Variants in DHX35 observed in about 807,000 individuals in gnomAD.
DHX35 encodes the protein probable ATP-dependent RNA helicase DHX35.
DHX35 carries 84 observed loss-of-function variants against 99.6 expected under a neutral mutation model. The observed-to-expected ratio is 0.84, with a 90% CI of 0.71 to 1.01. The LOEUF is 1.01. Ranked by LOEUF, DHX35 falls within the 50% of genes least tolerant of loss-of-function variation. The pLI is 0.00. For synonymous variants in DHX35, 331 were observed against 316.2 expected, an observed-to-expected ratio of 1.05 and a Z score of -0.50; for missense variants, 852 against 888.5, an observed-to-expected ratio of 0.96 and a Z score of 0.52.
At chr20:38,989,265 G>GTTTTTTTTTTTT (rs59991063) in intron 5 of DHX35, among the ~76,000 whole-genome samples, 25 of 111,864 alleles carry the variant, frequency 2.2e-4, no homozygotes, top group Non-Finnish European at 2.6e-4. Context: ...ACCCGGCTAA[G>GTTTTTTTTTTTT]TTTTTTTTTT....
At chr20:39,007,063 T>C (rs1375168358) in intron 12 of DHX35, among the ~76,000 whole-genome samples, 7 of 152,224 alleles carry the variant, frequency 4.6e-5, no homozygotes, top group African/African-American at 1.7e-4. Flanking sequence ...GTTAATTCTC[T>C]TCTTTATCCA....
chr20:39,017,262 C>G (rs2086801372), intron 14 of DHX35, among the ~76,000 whole-genome samples: 1 of 152,066 alleles, frequency 6.6e-6, no homozygotes, highest in Non-Finnish European at 1.5e-5. Context: ...CTGTGAATAG[C>G]CAATTACTGA....
chr20:39,019,661 A>G (rs1016585390), intron 15 of DHX35, among the ~76,000 whole-genome samples: 3 of 152,236 alleles, frequency 2.0e-5, no homozygotes, highest in Admixed American at 2.0e-4. Context: ...GATTCAGTCA[A>G]GCAAATTAAC....
At chr20:38,981,945 A>C (rs1485044967) in intron 3 of DHX35, among the ~76,000 whole-genome samples, 1 of 66,632 alleles carries the variant, frequency 1.5e-5, no homozygotes, top group Non-Finnish European at 3.2e-5. Flanking sequence ...CTCTGTCTCA[A>C]AAAAAAAAAA....
At chr20:39,016,078 T>C (rs1193668490) in intron 14 of DHX35, among the ~76,000 whole-genome samples, 2 of 152,216 alleles carry the variant, frequency 1.3e-5, no homozygotes, top group African/African-American at 4.8e-5. Flanking sequence ...TTCAGGTGGC[T>C]GAAAGCTCCA....
rs1208329903 is a variant in DHX35, at chr20:39,030,746, A to T, written c.1926A>T (p.Ser642=). The change falls in exon 20 of 22, where the codon TCA becomes TCT. Residue 642 remains serine, a synonymous_variant. Transcript: ENST00000252011. ...ATGAGCTGCACATACACCCTGCGTCAGTCCTCTATGCAGAGAAGCCGCCTC... is the reference window on the plus strand; with the variant it reads ...ATGAGCTGCACATACACCCTGCGTCTGTCCTCTATGCAGAGAAGCCGCCTC... The part of the protein sequence containing the change: ...DDHELHIHPA[S]VLYAEKPPRW... 2 of 1,614,074 alleles carry T rather than the reference A, an allele frequency of 1.2e-6. No individual in the cohort carries two copies. The highest frequency in any genetic ancestry group is 2.7e-5 in the African/African-American group (2 of 74,940).
At chr20:39,004,665 G>A (rs1232054462) in intron 11 of DHX35, among the ~76,000 whole-genome samples, 1 of 152,242 alleles carries the variant, frequency 6.6e-6, no homozygotes, top group African/African-American at 2.4e-5. Context: ...GAGTGAGGAA[G>A]GGTGTGGTGG....
intron 3 of DHX35, among the ~76,000 whole-genome samples, chr20:38,980,378 T>A (rs1223795385): frequency 6.6e-6 from 1 of 152,196 alleles, no homozygotes; most frequent in Non-Finnish European, 1.5e-5. Flanking sequence ...CTGTGTATTG[T>A]TGATGATGAT....
intron 11 of DHX35, among the ~76,000 whole-genome samples, chr20:39,005,160 T>G (rs946161787): frequency 3.9e-5 from 6 of 152,218 alleles, no homozygotes; most frequent in African/African-American, 1.4e-4. Flanking sequence ...TTTTATAAAA[T>G]GATTTATAAA....
At chr20:39,031,333 C>CTTTT (rs111833262) in intron 20 of DHX35, among the ~76,000 whole-genome samples, 2 of 131,700 alleles carry the variant, frequency 1.5e-5, no homozygotes, top group African/African-American at 5.5e-5. Context: ...GCTCACGGTT[C>CTTTT]TTTTTTTTTT....
At chr20:38,978,110 C>A in intron 3 of DHX35, 1 of 769,354 alleles carries the variant, frequency 1.3e-6, no homozygotes. Context: ...GGCCCTGAGC[C>A]ACACTTCAAC....
intron 8 of DHX35, among the ~76,000 whole-genome samples, chr20:38,996,852 A>G (rs201885263): frequency 6.6e-6 from 1 of 151,826 alleles, no homozygotes; most frequent in Admixed American, 6.6e-5. Context: ...TCCCTCACCC[A>G]TGGTATCTGC....
intron 21 of DHX35, among the ~76,000 whole-genome samples, chr20:39,038,288 C>T (rs1450889206): frequency 1.3e-5 from 2 of 152,236 alleles, no homozygotes; most frequent in Non-Finnish European, 2.9e-5. Context: ...GTGGCTTGGG[C>T]CTCGGGTTGC....
chr20:38,979,333 A>C (rs1034350740), intron 3 of DHX35, among the ~76,000 whole-genome samples: 3 of 152,226 alleles, frequency 2.0e-5, no homozygotes, highest in Non-Finnish European at 2.9e-5. Context: ...TAAATAAAAT[A>C]CTTATGGGGT....
chr20:39,002,649 C>G (rs2145896347), intron 9 of DHX35, 123 bp from the exon 10 acceptor site: 1 of 678,292 alleles, frequency 1.5e-6, no homozygotes, highest in Non-Finnish European at 2.6e-6. Flanking sequence ...TTATCCTGTA[C>G]TAATTACCTA....
At chr20:38,992,512 C>T (rs2086356094) in intron 7 of DHX35, 87 bp downstream of exon 7, 1 of 1,229,168 alleles carries the variant, frequency 8.1e-7, no homozygotes, top group Non-Finnish European at 1.2e-6. Flanking sequence ...GAAAGTACAA[C>T]AAAATACCAA....
intron 1 of DHX35, chr20:38,962,628 T>A (rs1198958121): frequency 3.4e-6 from 2 of 584,058 alleles, no homozygotes; most frequent in East Asian, 6.0e-5. Flanking sequence ...TGTGACCTTG[T>A]TAAAGTGGTC....
At chr20:38,991,105 C>A (rs1380791921) in intron 5 of DHX35, among the ~76,000 whole-genome samples, 1 of 152,196 alleles carries the variant, frequency 6.6e-6, no homozygotes, top group East Asian at 1.9e-4. Flanking sequence ...AATTATCTTA[C>A]ACTTAGGGTG....
At chr20:38,966,540 G>A (rs1180942805) in intron 1 of DHX35, among the ~76,000 whole-genome samples, 2 of 152,132 alleles carry the variant, frequency 1.3e-5, no homozygotes, top group Non-Finnish European at 2.9e-5. Context: ...GCGGTGGTGC[G>A]TGCCTGTAAT....
Sources: allele counts gnomAD v4.1 joint callset (sites outside exome capture counted in the v4.1 genomes callset), GRCh38; gene constraint gnomAD v4.1.1; transcripts MANE v1.5; gene names NCBI Gene and HGNC (gene_info 2026-07-23, HGNC 2026-07-21).